PARM1: variants seen among roughly 807,000 people sequenced by gnomAD.
The protein encoded by PARM1 is WSC4, cell wall integrity and stress response component 4 homolog.
Under a neutral mutation model 24.6 loss-of-function variants are expected in PARM1, and 14 were observed. The ratio of observed to expected loss-of-function variants is 0.57; its 90% CI spans 0.38 to 0.89. The LOEUF (loss-of-function observed/expected upper bound fraction) is 0.89. PARM1 is among the 40% of genes least tolerant of loss of function. The pLI is 0.00. For missense variants in PARM1, 362 were observed against 380.4 expected (o/e 0.95, Z 0.40); for synonymous variants, 179 against 156.6 (o/e 1.14, Z -1.07).
Position 75,036,930 on chromosome 4 carries a change from C to T in PARM1, c.848+2969C>T, listed in dbSNP as rs534551400. ...TTAAGAATGGATACAGTTATTAGACCCTTAAGGGGTTTCAGAAACCCCCTA... is the reference window on the plus strand; with the variant it reads ...TTAAGAATGGATACAGTTATTAGACTCTTAAGGGGTTTCAGAAACCCCCTA... On this transcript the variant is annotated intron_variant, in intron 3 of 3. Transcript: ENST00000307428. Among the ~76,000 whole-genome samples the T allele has an allele frequency of 3.6e-3, 550 of 152,102 alleles. 1 individual carries two copies. Among genetic ancestry groups the T allele is most frequent in the African/African-American group, 0.012 (516 of 41,498 alleles).
intron 1 of PARM1, among the ~76,000 whole-genome samples, chr4:75,009,151 T>G (rs1722824816): frequency 6.6e-6 from 1 of 152,250 alleles, no homozygotes. Context: ...GCATGTGGCC[T>G]AAGTTGGGAG....
intron 1 of PARM1, among the ~76,000 whole-genome samples, chr4:74,989,478 A>G (rs1394553658): frequency 2.6e-5 from 4 of 152,208 alleles, no homozygotes; most frequent in African/African-American, 7.2e-5. Flanking sequence ...AGGGCAAGGT[A>G]TGTAGGAAGG....
Position 75,012,433 on chromosome 4 carries a change from G to T in PARM1, c.52G>T (p.Val18Leu). 1 of 1,613,682 alleles carries T rather than the reference G, an allele frequency of 6.2e-7. No homozygotes were observed. Among genetic ancestry groups the T allele is most frequent in the Non-Finnish European group, 8.5e-7 (1 of 1,179,704 alleles). ...TACTGGCTTTTCCACAGGATGGAGG[G>T]TACAGAGTCTGCCTACATCAGCTCC... ...ALCILTAGWR[V>L]QSLPTSAPLS... The change falls in exon 2 of 4, where the codon GTA becomes TTA. Residue 18 changes from valine (V) to leucine (L), a missense_variant. Physicochemically the swap from Val to Leu is conservative, Grantham distance 32 (BLOSUM62 1). Transcript: ENST00000307428.
In PARM1 at chr4:74,978,308, G is replaced by A. The variant is rs1465156769; in HGVS notation, c.44-34117G>A. Among the ~76,000 whole-genome samples the A allele has an allele frequency of 2.6e-5, 4 of 152,084 alleles. No homozygotes were observed. In the East Asian group the frequency reaches 7.7e-4, roughly 29 times the overall value. ...CACATGGAAGCTGAAAAAATCAAGG[G>A]CTACAAGTGTAGTTTCAGACAAAAC... On this transcript the variant is annotated intron_variant, in intron 1 of 3. Transcript: ENST00000307428.
Position 75,012,598 on chromosome 4 carries a change from C to G in PARM1, c.217C>G (p.Pro73Ala). 6.2e-7 allele frequency: 1 copy of G among 1,613,952 alleles called. No homozygotes were observed. Among genetic ancestry groups the G allele is most frequent in the South Asian group, 1.1e-5 (1 of 91,082 alleles). Residue 73 changes from proline (P) to alanine (A), a missense_variant, in exon 2 of 4, where the codon CCA (proline) becomes GCA (alanine). By Grantham distance (27) the Pro-to-Ala change is conservative. Coordinates refer to ENST00000307428, the MANE Select transcript of PARM1 (RefSeq NM_015393.4). ...GGTGCTCCCAGTTACAGCATCAGCC[C>G]CAACATCTCTGCTTCCTAAGAACAT... ...NSVLPVTASA[P>A]TSLLPKNISI...
At chr4:74,985,750 T>C (rs777200617) in intron 1 of PARM1, among the ~76,000 whole-genome samples, 1 of 152,034 alleles carries the variant, frequency 6.6e-6, no homozygotes, top group African/African-American at 2.4e-5. Context: ...GAATAATTCA[T>C]TGTGGTTTTT....
intron 1 of PARM1, among the ~76,000 whole-genome samples, chr4:74,950,472 A>T (rs1435233695): frequency 6.6e-6 from 1 of 152,172 alleles, no homozygotes; most frequent in Non-Finnish European, 1.5e-5. Flanking sequence ...GACACCAGTC[A>T]TCCAGTCATA....
intron 1 of PARM1, among the ~76,000 whole-genome samples, chr4:74,942,976 C>T (rs1226244856): frequency 1.3e-5 from 2 of 152,188 alleles, no homozygotes; most frequent in Non-Finnish European, 2.9e-5. Flanking sequence ...CTTCTTTGCT[C>T]ACTCTGCACC....
At chr4:74,943,708 G>A (rs1467896575) in intron 1 of PARM1, among the ~76,000 whole-genome samples, 3 of 152,102 alleles carry the variant, frequency 2.0e-5, no homozygotes, top group African/African-American at 7.2e-5. Flanking sequence ...GCTCAGCTAG[G>A]GAAGATAAAG....
intron 1 of PARM1, among the ~76,000 whole-genome samples, chr4:74,979,196 TA>T (rs56717802): frequency 6.6e-6 from 1 of 151,440 alleles, no homozygotes; most frequent in African/African-American, 2.4e-5. Flanking sequence ...TGTTCTTTTT[TA>T]AAAAAAATAT....
chr4:75,038,524 A>T (rs1723414654), intron 3 of PARM1, among the ~76,000 whole-genome samples: 1 of 152,146 alleles, frequency 6.6e-6, no homozygotes. Context: ...CAGGGGAGAG[A>T]AGGAGGGGGA....
intron 1 of PARM1, among the ~76,000 whole-genome samples, chr4:74,948,034 C>T (rs1202269211): frequency 2.0e-5 from 3 of 152,208 alleles, no homozygotes; most frequent in Admixed American, 1.3e-4. Flanking sequence ...TCTGCCTTTG[C>T]TCATGCCATT....
At chr4:74,984,440 C>T (rs147000406) in intron 1 of PARM1, among the ~76,000 whole-genome samples, 4 of 152,306 alleles carry the variant, frequency 2.6e-5, no homozygotes, top group African/African-American at 9.6e-5. Context: ...TATCTACACA[C>T]ATACCTGTAA....
chr4:74,961,696 T>C (rs1721777510), intron 1 of PARM1, among the ~76,000 whole-genome samples: 1 of 152,170 alleles, frequency 6.6e-6, no homozygotes, highest in Non-Finnish European at 1.5e-5. Flanking sequence ...AACAAAGCTG[T>C]CAACCAAGAA....
At chr4:75,008,285 T>C (rs1214101512) in intron 1 of PARM1, among the ~76,000 whole-genome samples, 1 of 152,202 alleles carries the variant, frequency 6.6e-6, no homozygotes, top group African/African-American at 2.4e-5. Context: ...AAATAAGTAC[T>C]CAGTAGATAG....
chr4:74,936,986 G>T (rs577488799), intron 1 of PARM1, among the ~76,000 whole-genome samples: 20 of 152,240 alleles, frequency 1.3e-4, no homozygotes, highest in Non-Finnish European at 2.2e-4. Flanking sequence ...CTGCGCAGAC[G>T]TATTGGTCCC....
chr4:74,987,020 T>G (rs1722369957), intron 1 of PARM1, among the ~76,000 whole-genome samples: 1 of 152,216 alleles, frequency 6.6e-6, no homozygotes, highest in Non-Finnish European at 1.5e-5. Context: ...TTTAATTGAG[T>G]TCTATGAACA....
intron 1 of PARM1, among the ~76,000 whole-genome samples, chr4:74,987,236 G>A (rs1219150916): frequency 6.6e-6 from 1 of 152,024 alleles, no homozygotes; most frequent in East Asian, 1.9e-4. Flanking sequence ...AAAGAATCTG[G>A]TCCGGCACTG....
chr4:74,963,369 G>A (rs2109990514), intron 1 of PARM1, among the ~76,000 whole-genome samples: 1 of 152,156 alleles, frequency 6.6e-6, no homozygotes, highest in Non-Finnish European at 1.5e-5. Flanking sequence ...GTTCTTAACG[G>A]CATTATTCTC....
Sources: allele counts gnomAD v4.1 joint callset (sites outside exome capture counted in the v4.1 genomes callset), GRCh38; gene constraint gnomAD v4.1.1; transcripts MANE v1.5; gene names NCBI Gene and HGNC (gene_info 2026-07-23, HGNC 2026-07-21).